The following FBXO8 variants were observed in gnomAD, a reference collection of about 807,000 sequenced individuals.
The protein encoded by FBXO8 is F-box protein 8.
In FBXO8, 15 loss-of-function variants were observed where a neutral mutation model predicts 33.4. The observed-to-expected ratio is 0.45, with a 90% CI of 0.30 to 0.69. The LOEUF is 0.69. FBXO8 is among the 30% of genes least tolerant of loss of function. FBXO8 has a pLI of 0.08. For missense variants in FBXO8, 274 were observed against 380.3 expected (o/e 0.72, Z 2.32); for synonymous variants, 132 against 131.5 (o/e 1.00, Z -0.02).
At chr4:174,238,460 T>C (rs1206040413) in intron 5 of FBXO8, among the ~76,000 whole-genome samples, 2 of 151,652 alleles carry the variant, frequency 1.3e-5, no homozygotes, top group Non-Finnish European at 1.5e-5. Flanking sequence ...ATTTTTGATA[T>C]GAAAAGATAA....
In FBXO8 at chr4:174,245,790, A is replaced by G. The variant is rs953873967; in HGVS notation, c.457-4572T>C. On this transcript the variant is annotated intron_variant, in intron 3 of 5. Transcript: ENST00000393674. The surrounding 1 kb of genome is among the most constrained non-coding windows in gnomAD (Gnocchi z 4.6). ...TATATGTTACATATATGTTACATATATGAAAATAACTTGATAAATATGCTG... is the reference window on the plus strand; with the variant it reads ...TATATGTTACATATATGTTACATATGTGAAAATAACTTGATAAATATGCTG... Among the ~76,000 whole-genome samples the G allele has an allele frequency of 3.3e-5, 5 of 152,016 alleles. No individual in the cohort carries two copies. Among genetic ancestry groups the G allele is most frequent in the African/African-American group, 1.2e-4 (5 of 41,414 alleles).
chr4:174,238,759 GTA>G (rs34800396), intron 5 of FBXO8, among the ~76,000 whole-genome samples: 1,933 of 113,786 alleles, frequency 0.017, 36 homozygotes, highest in African/African-American at 0.041. Context: ...ACATAGCCAT[GTA>G]TATATATATA....
At chr4:174,264,890 C>A (rs185085722) in intron 1 of FBXO8, among the ~76,000 whole-genome samples, 610 of 151,610 alleles carry the variant, frequency 4.0e-3, no homozygotes, top group African/African-American at 0.014. Flanking sequence ...AAAGACTGTG[C>A]ATCCAAAATA....
rs565310535 is a variant in FBXO8 at position 174,255,254 on chromosome 4, C to A, written c.456+4445G>T. Among the ~76,000 whole-genome samples the A allele has an allele frequency of 1.3e-5, 2 of 152,096 alleles. No homozygotes were observed. The highest frequency in any genetic ancestry group is 4.8e-5 in the African/African-American group (2 of 41,426). ...AAGTTATTTTTCACCACTGTTGCTA[C>A]GCTATGAAGTAATGGTAATGACGAT... On this transcript the variant is annotated intron_variant, in intron 3 of 5. Coordinates refer to ENST00000393674, the MANE Select transcript of FBXO8 (RefSeq NM_012180.3). The surrounding 1 kb of genome is among the most constrained non-coding windows in gnomAD (Gnocchi z 4.3).
In FBXO8 at chr4:174,241,908, G is replaced by A. The variant is rs1485145091; in HGVS notation, c.457-690C>T. Among the ~76,000 whole-genome samples the A allele has an allele frequency of 6.6e-6, 1 of 151,368 alleles. No individual in the cohort carries two copies. The highest frequency in any genetic ancestry group is 1.5e-5 in the Non-Finnish European group (1 of 67,532). ...TTCTCTGCATGCAAAGTTTTCCAGAGAAGCATTACCCATAAGTTTTTACCT... is the reference window on the plus strand; with the variant it reads ...TTCTCTGCATGCAAAGTTTTCCAGAAAAGCATTACCCATAAGTTTTTACCT... On this transcript the variant is annotated intron_variant, in intron 3 of 5. Coordinates refer to ENST00000393674, the MANE Select transcript of FBXO8 (RefSeq NM_012180.3). The surrounding 1 kb of genome is among the most constrained non-coding windows in gnomAD (Gnocchi z 4.2).
chr4:174,280,338 T>C (rs1241238784), intron 1 of FBXO8, among the ~76,000 whole-genome samples: 3 of 152,032 alleles, frequency 2.0e-5, no homozygotes, highest in Admixed American at 6.6e-5. Flanking sequence ...AAATAAGTCT[T>C]GGCAAGGATG....
At chr4:174,250,364 C>G (rs1375918274) in intron 3 of FBXO8, among the ~76,000 whole-genome samples, 1 of 151,916 alleles carries the variant, frequency 6.6e-6, no homozygotes, top group African/African-American at 2.4e-5. Context: ...CAAAAACAAC[C>G]CCCTTCCATA....
rs769821531 is a variant in FBXO8, at chr4:174,275,306, T to A, written c.-9+8104A>T. On this transcript the variant is annotated intron_variant, in intron 1 of 5. Coordinates refer to ENST00000393674, the MANE Select transcript of FBXO8 (RefSeq NM_012180.3). This position sits in a 1 kb window ranked among gnomAD's most constrained non-coding sequence, Gnocchi z 4.4. ...TATCTTGACTATGGTGCTGGATATG[T>A]GAACTTGCACAGAACTTCATACACA... 5.9e-5 allele frequency among the ~76,000 whole-genome samples: 9 copies of A among 152,172 alleles called. No individual in the cohort carries two copies. The highest frequency in any genetic ancestry group is 8.8e-5 in the Non-Finnish European group (6 of 68,030).
chr4:174,268,532 T>G (rs768274551), intron 1 of FBXO8, among the ~76,000 whole-genome samples: 3 of 152,054 alleles, frequency 2.0e-5, no homozygotes, highest in Non-Finnish European at 4.4e-5. Context: ...TCCCTCCCAG[T>G]TTCTCGCCAT....
chr4:174,268,373 C>T (rs907671310), intron 1 of FBXO8, among the ~76,000 whole-genome samples: 7 of 152,120 alleles, frequency 4.6e-5, no homozygotes, highest in African/African-American at 1.7e-4. Flanking sequence ...TAAGGCACAA[C>T]ACTTAGGAAA....
chr4:174,239,199 A>AC lies in FBXO8; in HGVS notation c.576-10_576-9insG. 1 of 1,501,132 alleles carries AC rather than the reference A, an allele frequency of 6.7e-7. No individual in the cohort carries two copies. Among genetic ancestry groups the AC allele is most frequent in the Non-Finnish European group, 8.9e-7 (1 of 1,121,136 alleles). The allele number at this position is 1,501,132 out of a possible 1,614,324, so 93.0% of individuals were successfully genotyped here. A position where few individuals can be genotyped will look rare whatever the true frequency, so the allele number is the denominator to read the frequency against. On this transcript the variant is annotated splice_polypyrimidine_tract_variant and intron_variant, in intron 4 of 5. Coordinates refer to ENST00000393674, the MANE Select transcript of FBXO8 (RefSeq NM_012180.3). ...CATCCAAGACATCTCTCCTACAGAA[A>AC]GAAAAAAAGGCACAGCTTTGGTTAA...
Position 174,263,939 on chromosome 4 carries a change from T to A in FBXO8, c.-8-839A>T, listed in dbSNP as rs573714441. ...CCTCATGTACAAATGTATTAGAAAA[T>A]TCCTAGAGCTAGATTTGGCATTGCC... is the stretch of plus-strand genomic sequence containing the variant. On this transcript the variant is annotated intron_variant, in intron 1 of 5. Transcript: ENST00000393674. This position sits in a 1 kb window ranked among gnomAD's most constrained non-coding sequence, Gnocchi z 4.2. Among the ~76,000 whole-genome samples, 1 of 152,258 alleles carries A rather than the reference T, an allele frequency of 6.6e-6. No homozygotes were observed. Among genetic ancestry groups the A allele is most frequent in the South Asian group, 2.1e-4 (1 of 4,830 alleles).
At chr4:174,280,525 T>C (rs1272977993) in intron 1 of FBXO8, among the ~76,000 whole-genome samples, 1 of 152,172 alleles carries the variant, frequency 6.6e-6, no homozygotes, top group Non-Finnish European at 1.5e-5. Flanking sequence ...CTGGAAAAGA[T>C]ATTTGTTCAC....
intron 5 of FBXO8, among the ~76,000 whole-genome samples, 187 bp downstream of exon 5, chr4:174,238,807 T>TA (rs1373233053): frequency 6.6e-5 from 10 of 150,430 alleles, no homozygotes; most frequent in Non-Finnish European, 8.9e-5. Flanking sequence ...ACACCATAGC[T>TA]ATGACAAACT....
At position 174,241,358 on chromosome 4, in the gene FBXO8, G is replaced by T. The variant is rs536707125; in HGVS notation, c.457-140C>A. 4 of 502,422 alleles carry T rather than the reference G, an allele frequency of 8.0e-6. No homozygotes were observed. The highest frequency in any genetic ancestry group is 6.0e-5 in the African/African-American group (3 of 50,420). The allele number at this position is 502,422 out of a possible 1,614,324, so 31.1% of individuals were successfully genotyped here. A position where few individuals can be genotyped will look rare whatever the true frequency, so the allele number is the denominator to read the frequency against. ...TGTAGCTTTATCATGCAAAATACAA[G>T]CTAGAACTTGAACTGAAACTATTGT... On this transcript the variant is annotated intron_variant, in intron 3 of 5. Transcript: ENST00000393674. This position sits in a 1 kb window ranked among gnomAD's most constrained non-coding sequence, Gnocchi z 4.2.
At chr4:174,240,890 AC>A (rs778339935) in intron 4 of FBXO8, among the ~76,000 whole-genome samples, 5 of 151,598 alleles carry the variant, frequency 3.3e-5, no homozygotes, top group Non-Finnish European at 7.4e-5. Flanking sequence ...GTACATGTGG[AC>A]TTTTACTTAC....
Position 174,250,886 on chromosome 4 carries a change from C to T in FBXO8, c.456+8813G>A, listed in dbSNP as rs988503022. ...ACACCTTGGACATTAAAGCTGAGAA[C>T]TTAAATCTAGAAGTAATATCAAGTT... is the stretch of plus-strand genomic sequence containing the variant. On this transcript the variant is annotated intron_variant, in intron 3 of 5. Transcript: ENST00000393674. Among the ~76,000 whole-genome samples the T allele has an allele frequency of 1.2e-4, 19 of 152,146 alleles. No individual in the cohort carries two copies. The East Asian group carries it at 3.7e-3, about 29-fold the overall frequency.
At position 174,241,324 on chromosome 4, in the gene FBXO8, T is replaced by C. The variant is rs1040105855; in HGVS notation, c.457-106A>G. On this transcript the variant is annotated intron_variant, in intron 3 of 5. Transcript: ENST00000393674. This position sits in a 1 kb window ranked among gnomAD's most constrained non-coding sequence, Gnocchi z 4.2. ...AGCTATAAATTCTTTCCAGCATTAA[T>C]AGACTTTTTGTAGCTTTATCATGCA... 19 of 596,176 alleles carry C rather than the reference T, an allele frequency of 3.2e-5. No individual in the cohort carries two copies. Among genetic ancestry groups the C allele is most frequent in the African/African-American group, 2.7e-4 (14 of 52,450 alleles). The allele number at this position is 596,176 out of a possible 1,614,324, so 36.9% of individuals were successfully genotyped here.
chr4:174,242,085 T>G (rs1012693941), intron 3 of FBXO8, among the ~76,000 whole-genome samples: 1 of 151,732 alleles, frequency 6.6e-6, no homozygotes, highest in South Asian at 2.1e-4. Flanking sequence ...GCAGGTGGGT[T>G]TATTTCAACT....
Sources: gnomAD v4.1 joint callset for allele counts (sites outside exome capture counted in the v4.1 genomes callset) on GRCh38, gnomAD v4.1.1 for gene constraint, Gnocchi (gnomAD v3.1) non-coding constraint, MANE v1.5 for transcripts, NCBI Gene and HGNC (gene_info 2026-07-23, HGNC 2026-07-21) for gene names.